LONP1: variants seen among roughly 807,000 people sequenced by gnomAD.
The protein encoded by LONP1 is lon peptidase 1, mitochondrial, also known as lon protease homolog, mitochondrial.
A neutral mutation model predicts 98.5 loss-of-function variants in LONP1; 31 were observed. The observed-to-expected ratio is 0.31, with a 90% CI of 0.24 to 0.42. LONP1 has a LOEUF of 0.42. LONP1 is among the 20% of genes least tolerant of loss of function. The probability of loss-of-function intolerance (pLI) is 1.00; values close to 1 mark genes in which losing one functional copy is unlikely to be tolerated. For missense variants in LONP1, 1,336 were observed against 1,350.6 expected, an observed-to-expected ratio of 0.99 and a Z score of 0.17; for synonymous variants, 781 against 594.7, an observed-to-expected ratio of 1.31 and a Z score of -4.56.
At chr19:5,717,258 A>T (rs2055338803) in intron 1 of LONP1, 1 of 152,212 alleles carries the variant, frequency 6.6e-6, no homozygotes, top group South Asian at 2.1e-4. Flanking sequence ...CTGAAGAGTA[A>T]ATCAAGCTTT....
In LONP1 at chr19:5,700,865, T is replaced by C; in HGVS notation, c.1430A>G (p.Asn477Ser). 6.2e-7 allele frequency: 1 copy of C among 1,614,214 alleles called. No individual in the cohort carries two copies. The highest frequency in any genetic ancestry group is 1.6e-4 in the Middle Eastern group (1 of 6,062). The change falls in exon 9 of 18, where the codon AAC becomes AGC. Residue 477 changes from asparagine to serine, a missense_variant. Physicochemically the swap from Asn to Ser is conservative, Grantham distance 46. Transcript: ENST00000360614. ...SIPWGKYSNE[N>S]LDLARAQAVL... ...TGCCTGTGCCCGCGCCAGGTCCAGG[T>C]TCTCGTTGCTGTACTTGCCCCAAGG...
At chr19:5,710,545 GATTTT>G (rs973830068) in intron 4 of LONP1, among the ~76,000 whole-genome samples, 1 of 151,856 alleles carries the variant, frequency 6.6e-6, no homozygotes, top group Non-Finnish European at 1.5e-5. Context: ...CATGCCCAGG[GATTTT>G]ATTTTTTTTG....
At chr19:5,708,153 G>C (rs1001990347) in intron 5 of LONP1, 189 bp downstream of exon 5, 49 of 630,422 alleles carry the variant, frequency 7.8e-5, no homozygotes, top group Non-Finnish European at 1.2e-4. Context: ...AACTGGGCCT[G>C]CTGAGTCGGC....
intron 1 of LONP1, among the ~76,000 whole-genome samples, chr19:5,715,958 A>G (rs2055311747): frequency 6.6e-6 from 1 of 152,096 alleles, no homozygotes; most frequent in South Asian, 2.1e-4. Context: ...ATCACAGCAC[A>G]TTCTCAACGG....
intron 8 of LONP1, among the ~76,000 whole-genome samples, chr19:5,701,629 A>G (rs1239979765): frequency 1.3e-5 from 2 of 152,158 alleles, no homozygotes; most frequent in East Asian, 3.9e-4. Context: ...TCGTTCACTC[A>G]GTGCTCAATG....
intron 7 of LONP1, among the ~76,000 whole-genome samples, chr19:5,706,419 G>A (rs368821743): frequency 6.6e-6 from 1 of 152,112 alleles, no homozygotes; most frequent in Non-Finnish European, 1.5e-5. Context: ...GACCAGCCTG[G>A]CCAACATGGT....
rs1205401191 is a variant in LONP1 at position 5,708,160 on chromosome 19, C to T, written c.932+182G>A. 2.3e-5 allele frequency: 15 copies of T among 639,584 alleles called. No homozygotes were observed. The Middle Eastern group carries it at 1.3e-3, about 54-fold the overall frequency. The allele number at this position is 639,584 out of a possible 1,614,324, so 39.6% of individuals were successfully genotyped here. A position where few individuals can be genotyped will look rare whatever the true frequency, so the allele number is the denominator to read the frequency against. ...GACAAAGAAACTGGGCCTGCTGAGT[C>T]GGCCCCGGGCCTCCCACCTGCCCCA... is the stretch of plus-strand genomic sequence containing the variant. On this transcript the variant is annotated intron_variant, in intron 5 of 17. Coordinates refer to ENST00000360614, the MANE Select transcript of LONP1 (RefSeq NM_004793.4).
At position 5,719,684 on chromosome 19, in the gene LONP1, G is replaced by C; in HGVS notation, c.429+20C>G. The C allele has an allele frequency of 1.2e-6, 2 of 1,613,648 alleles. No individual in the cohort carries two copies. Among genetic ancestry groups the C allele is most frequent in the Non-Finnish European group, 1.7e-6 (2 of 1,180,000 alleles). ...TTGCACAGGTGGGAAACCTGAGGCC[G>C]AGGCGGGGACTCCCATTACCTCGAT... On this transcript the variant is annotated intron_variant, in intron 1 of 17. Transcript: ENST00000360614.
chr19:5,711,883 C>G lies in LONP1; in HGVS notation c.758G>C (p.Arg253Thr). Reference protein sequence around the residue: ...KKEAEDELSARHPAELAMEPT... With the variant: ...KKEAEDELSATHPAELAMEPT... ...CTCCATCGCCAGCTCCGCCGGGTGCCTGGCGCTCAGCTCGTCCTCCGCCTC... is the reference window on the plus strand; with the variant it reads ...CTCCATCGCCAGCTCCGCCGGGTGCGTGGCGCTCAGCTCGTCCTCCGCCTC... Residue 253 changes from arginine (R) to threonine (T), a missense_variant, in exon 4 of 18, where the codon AGG becomes ACG. Arg to Thr is a moderately conservative substitution (Grantham distance 71). Around this residue, in one of 5 missense-constraint regions of LONP1, gnomAD observed 457 missense variants for 403.1 expected, o/e 1.13. Coordinates refer to ENST00000360614, the MANE Select transcript of LONP1 (RefSeq NM_004793.4). The G allele has an allele frequency of 6.2e-7, 1 of 1,613,100 alleles. No individual in the cohort carries two copies. Among genetic ancestry groups the G allele is most frequent in the Non-Finnish European group, 8.5e-7 (1 of 1,179,992 alleles).
In LONP1 at chr19:5,692,384, G is replaced by A. The variant is rs1050197106; in HGVS notation, c.2704-176C>T. Reference sequence around the variant, plus strand: ...GTCTCCCACGGGGAAACAGGCTCAAGGCAAAACCACTGGCCTTGGCTCCAA... The same window carrying A: ...GTCTCCCACGGGGAAACAGGCTCAAAGCAAAACCACTGGCCTTGGCTCCAA... On this transcript the variant is annotated intron_variant, in intron 17 of 17. Coordinates refer to ENST00000360614, the MANE Select transcript of LONP1 (RefSeq NM_004793.4). The A allele has an allele frequency of 7.0e-6, 4 of 575,294 alleles. No individual in the cohort carries two copies. The African/African-American group carries it at 7.6e-5, about 11-fold the overall frequency. The allele number at this position is 575,294 out of a possible 1,614,324, so 35.6% of individuals were successfully genotyped here.
At chr19:5,706,845 G>C (rs923744191) in intron 7 of LONP1, among the ~76,000 whole-genome samples, 4 of 152,208 alleles carry the variant, frequency 2.6e-5, no homozygotes, top group African/African-American at 7.2e-5. Flanking sequence ...CATTACACTG[G>C]GACCAGCTTT....
chr19:5,711,585 A>G (rs948351154), intron 4 of LONP1, among the ~76,000 whole-genome samples, 186 bp downstream of exon 4: 36 of 152,262 alleles, frequency 2.4e-4, no homozygotes, highest in African/African-American at 8.4e-4. Context: ...CCCATCCCAG[A>G]GTCTTCCGAA....
intron 7 of LONP1, among the ~76,000 whole-genome samples, chr19:5,706,355 T>A (rs2055145543): frequency 6.6e-6 from 1 of 152,174 alleles, no homozygotes; most frequent in African/African-American, 2.4e-5. Context: ...ACGCCTGTAA[T>A]CCTAGCACTT....
chr19:5,702,713 C>CTA (rs2055076745), intron 8 of LONP1, among the ~76,000 whole-genome samples: 1 of 151,938 alleles, frequency 6.6e-6, no homozygotes, highest in South Asian at 2.1e-4. Context: ...GATCGGTGAC[C>CTA]TTACCCCCAA....
intron 3 of LONP1, among the ~76,000 whole-genome samples, chr19:5,712,929 C>T (rs1448795584): frequency 6.6e-6 from 1 of 152,216 alleles, no homozygotes. Context: ...CCATGCCTGG[C>T]CCTGCAGCTC....
intron 4 of LONP1, 65 bp from the exon 5 acceptor site, chr19:5,708,468 G>GCA: frequency 1.8e-6 from 1 of 551,260 alleles, no homozygotes; most frequent in Non-Finnish European, 3.4e-6. Flanking sequence ...GGCTGGGTGG[G>GCA]AGCATGGCCC....
chr19:5,697,153 C>T (rs1447240676), intron 10 of LONP1, among the ~76,000 whole-genome samples: 2 of 152,100 alleles, frequency 1.3e-5, no homozygotes, highest in South Asian at 2.1e-4. Flanking sequence ...GGGCTTCCTG[C>T]AAGCTCTGTG....
At position 5,696,034 on chromosome 19, in the gene LONP1, T is replaced by TG; in HGVS notation, c.2013+19dup. On this transcript the variant is annotated intron_variant, in intron 13 of 17. Coordinates refer to ENST00000360614, the MANE Select transcript of LONP1 (RefSeq NM_004793.4). ...CCCTGCTCTGGGAAGGGGACAGCAG[T>TG]GGGGAGGGGCTGGGCTTACCTCCGC... 9 of 1,602,260 alleles carry TG rather than the reference T, an allele frequency of 5.6e-6. No individual in the cohort carries two copies. The highest frequency in any genetic ancestry group is 7.7e-6 in the Non-Finnish European group (9 of 1,173,320).
intron 5 of LONP1, 81 bp from the exon 6 acceptor site, chr19:5,707,907 T>C: frequency 6.6e-7 from 1 of 1,514,588 alleles, no homozygotes; most frequent in Non-Finnish European, 9.0e-7. Flanking sequence ...GACCCGGTCC[T>C]CAGGGTCCCT....
Sources: gnomAD v4.1 joint callset for allele counts (sites outside exome capture counted in the v4.1 genomes callset) on GRCh38, gnomAD v4.1.1 for gene constraint, gnomAD v4.1.1 regional missense constraint, MANE v1.5 for transcripts, NCBI Gene and HGNC (gene_info 2026-07-23, HGNC 2026-07-21) for gene names.